The following TMEM267 variants were observed in gnomAD, a reference collection of about 807,000 sequenced individuals.
TMEM267 encodes the protein transmembrane protein C5orf28.
In TMEM267, 20 loss-of-function variants were observed where a neutral mutation model predicts 19.3. The observed-to-expected ratio is 1.04, with a 90% CI of 0.73 to 1.51. The LOEUF (loss-of-function observed/expected upper bound fraction) is 1.51, where lower values mean the gene tolerates loss of function less well. Among genes scored for constraint, TMEM267 ranks in the 40% most tolerant of loss-of-function variants. The probability of loss-of-function intolerance (pLI) is 0.00; values close to 1 mark genes in which losing one functional copy is unlikely to be tolerated. For missense variants in TMEM267, 242 were observed against 261.9 expected (o/e 0.92, Z 0.52); for synonymous variants, 88 against 90.3 (o/e 0.97, Z 0.15).
chr5:43,464,344 T>C (rs1743481868), intron 1 of TMEM267, among the ~76,000 whole-genome samples: 1 of 152,100 alleles, frequency 6.6e-6, no homozygotes, highest in Admixed American at 6.5e-5. Flanking sequence ...TGCTCATGGG[T>C]AGGAAGAATC....
At chr5:43,459,012 AT>A (rs1743107066) in intron 1 of TMEM267, among the ~76,000 whole-genome samples, 2 of 151,816 alleles carry the variant, frequency 1.3e-5, no homozygotes, top group Non-Finnish European at 2.9e-5. Flanking sequence ...AAAAAAAAAA[AT>A]TATCTTCCAA....
chr5:43,472,449 G>A (rs1019339480), intron 1 of TMEM267, among the ~76,000 whole-genome samples: 11 of 152,018 alleles, frequency 7.2e-5, no homozygotes, highest in African/African-American at 1.2e-4. Context: ...GGTATATACC[G>A]AAAAGAAAGG....
At chr5:43,455,851 C>T (rs961673976) in intron 1 of TMEM267, among the ~76,000 whole-genome samples, 2 of 152,126 alleles carry the variant, frequency 1.3e-5, no homozygotes, top group Admixed American at 1.3e-4. Context: ...TCGTGCCCAG[C>T]CAATTTTTTT....
intron 1 of TMEM267, among the ~76,000 whole-genome samples, chr5:43,468,821 A>G (rs1317035006): frequency 6.6e-6 from 1 of 152,198 alleles, no homozygotes; most frequent in Non-Finnish European, 1.5e-5. Context: ...GGGATAGACT[A>G]TACAAAACAA....
intron 1 of TMEM267, among the ~76,000 whole-genome samples, chr5:43,465,093 C>A (rs1743563514): frequency 6.6e-6 from 1 of 152,130 alleles, no homozygotes; most frequent in Non-Finnish European, 1.5e-5. Flanking sequence ...CTACAATGAA[C>A]TCAAACAAAT....
intron 1 of TMEM267, among the ~76,000 whole-genome samples, chr5:43,482,045 G>C (rs974484601): frequency 2.0e-5 from 3 of 152,090 alleles, no homozygotes; most frequent in African/African-American, 4.8e-5. Flanking sequence ...GGTTTCACCC[G>C]TGTTAGCCAG....
At chr5:43,463,676 G>A (rs1189707701) in intron 1 of TMEM267, among the ~76,000 whole-genome samples, 1 of 152,130 alleles carries the variant, frequency 6.6e-6, no homozygotes, top group Non-Finnish European at 1.5e-5. Context: ...ACGTAATCCA[G>A]CATATAAACA....
intron 2 of TMEM267, among the ~76,000 whole-genome samples, chr5:43,449,915 T>G (rs1444469390): frequency 6.6e-6 from 1 of 152,216 alleles, no homozygotes; most frequent in African/African-American, 2.4e-5. Flanking sequence ...TAACATCTAT[T>G]TATATTAATA....
At chr5:43,476,428 C>T (rs1031543590) in intron 1 of TMEM267, among the ~76,000 whole-genome samples, 1 of 151,512 alleles carries the variant, frequency 6.6e-6, no homozygotes, top group Admixed American at 6.6e-5. Context: ...CGCTCTGCCA[C>T]CTCCCACAAT....
chr5:43,465,722 C>T (rs1461221175), intron 1 of TMEM267, among the ~76,000 whole-genome samples: 3 of 152,114 alleles, frequency 2.0e-5, no homozygotes, highest in Non-Finnish European at 4.4e-5. Context: ...CCAAACACTG[C>T]ACGTTCTCAC....
intron 1 of TMEM267, among the ~76,000 whole-genome samples, chr5:43,482,052 C>T (rs1442266986): frequency 2.0e-5 from 3 of 152,178 alleles, no homozygotes; most frequent in African/African-American, 7.2e-5. Flanking sequence ...CCCGTGTTAG[C>T]CAGGATGGTC....
intron 1 of TMEM267, among the ~76,000 whole-genome samples, chr5:43,460,759 G>C (rs145072519): frequency 6.6e-6 from 1 of 152,172 alleles, no homozygotes; most frequent in Non-Finnish European, 1.5e-5. Flanking sequence ...GTCCAGCCAC[G>C]GAGGGAGCAT....
intron 1 of TMEM267, among the ~76,000 whole-genome samples, chr5:43,472,016 G>A (rs2112169381): frequency 6.6e-6 from 1 of 151,766 alleles, no homozygotes; most frequent in South Asian, 2.1e-4. Context: ...ACAGAGAACG[G>A]GAAAAAATAT....
At chr5:43,464,059 T>C (rs1171557029) in intron 1 of TMEM267, among the ~76,000 whole-genome samples, 6 of 152,168 alleles carry the variant, frequency 3.9e-5, no homozygotes, top group East Asian at 3.9e-4. Context: ...GAAAACCCCA[T>C]TGTCTCAGCC....
chr5:43,473,686 C>G (rs1744222039), intron 1 of TMEM267, among the ~76,000 whole-genome samples: 1 of 152,266 alleles, frequency 6.6e-6, no homozygotes, highest in African/African-American at 2.4e-5. Context: ...CCATACTGCC[C>G]AAAGTAATTT....
intron 2 of TMEM267, among the ~76,000 whole-genome samples, chr5:43,448,842 C>CA (rs869152707): frequency 6.9e-6 from 1 of 144,818 alleles, no homozygotes; most frequent in African/African-American, 2.5e-5. Flanking sequence ...AAATACAAAA[C>CA]AAAAAAAAAT....
At chr5:43,470,693 T>C (rs1434884243) in intron 1 of TMEM267, among the ~76,000 whole-genome samples, 1 of 152,204 alleles carries the variant, frequency 6.6e-6, no homozygotes, top group East Asian at 1.9e-4. Context: ...ATAAGGATGA[T>C]GCCCATTGTC....
rs373266926 is a variant in TMEM267 at position 43,459,582 on chromosome 5, C to A, written c.-74-5539G>T. ...TAAGTAGCAATGGTAATATTAACTG[C>A]AAACACAGAATTCAAGGTAAAAATG... On this transcript the variant is annotated intron_variant, in intron 1 of 2. Coordinates refer to ENST00000397080, the MANE Select transcript of TMEM267 (RefSeq NM_022483.5). Among the ~76,000 whole-genome samples the A allele has an allele frequency of 4.7e-3, 721 of 152,150 alleles. 5 individuals are homozygous for A. Among genetic ancestry groups the A allele is most frequent in the African/African-American group, 0.016 (649 of 41,498 alleles).
chr5:43,478,210 T>A (rs1278212966), intron 1 of TMEM267, among the ~76,000 whole-genome samples: 1 of 152,178 alleles, frequency 6.6e-6, no homozygotes, highest in Non-Finnish European at 1.5e-5. Context: ...CAAAACCTAG[T>A]TTGGATAATC....
Sources: allele counts gnomAD v4.1 joint callset (sites outside exome capture counted in the v4.1 genomes callset), GRCh38; gene constraint gnomAD v4.1.1; transcripts MANE v1.5; gene names NCBI Gene and HGNC (gene_info 2026-07-23, HGNC 2026-07-21).